Variants in ESYT3 observed in about 807,000 individuals in gnomAD.
The protein encoded by ESYT3 is extended synaptotagmin-3.
ESYT3 carries 101 observed loss-of-function variants against 111.5 expected under a neutral mutation model. That is an observed-to-expected ratio of 0.91 (90% CI 0.77 to 1.07). ESYT3 has a LOEUF of 1.07. Among genes scored for constraint, ESYT3 ranks in the 50% least tolerant of loss-of-function variants. The pLI, the probability that ESYT3 is intolerant of heterozygous loss-of-function variation, is 0.00. For synonymous variants in ESYT3, 416 were observed against 446.8 expected (o/e 0.93, Z 0.87); for missense variants, 1,097 against 1,109.4 (o/e 0.99, Z 0.16).
intron 11 of ESYT3, 105 bp downstream of exon 11, chr3:138,467,714 C>T (rs1346967364): frequency 1.9e-6 from 2 of 1,068,890 alleles, no homozygotes; most frequent in Middle Eastern, 2.8e-4. Flanking sequence ...CTGTGGTCCC[C>T]CTCTGTGCTA....
At position 138,467,683 on chromosome 3, in the gene ESYT3, T is replaced by C. The variant is rs575005592; in HGVS notation, c.1218+74T>C. 6 of 1,415,678 alleles carry C rather than the reference T, an allele frequency of 4.2e-6. No homozygotes were observed. In the Admixed American group the frequency reaches 1.1e-4, roughly 25 times the overall value. 87.7% of individuals were successfully genotyped at this position (1,415,678 alleles called of 1,614,324 possible). A position where few individuals can be genotyped will look rare whatever the true frequency, so the allele number is the denominator to read the frequency against. On this transcript the variant is annotated intron_variant, in intron 11 of 22. Coordinates refer to ENST00000389567, the MANE Select transcript of ESYT3 (RefSeq NM_031913.5). ...CCTGTGGACAGCTCCAGCAGCTTGC[T>C]TCAGCCCAGCTATTCCTATGCTGTG...
rs535692716 is a variant in ESYT3, at chr3:138,476,731, C to T, written c.2625-87C>T. On this transcript the variant is annotated intron_variant, in intron 22 of 22. Transcript: ENST00000389567. ...ACAGGTTCTGCTGGTCTTACAGAGG[C>T]CCAGGCAGGCAGGACTAGGCAGTTT... 116 of 1,364,178 alleles carry T rather than the reference C, an allele frequency of 8.5e-5. No homozygotes were observed. In the East Asian group the frequency reaches 2.6e-3, roughly 31 times the overall value. 84.5% of individuals were successfully genotyped at this position (1,364,178 alleles called of 1,614,324 possible).
chr3:138,477,194 T>C lies in ESYT3; in HGVS notation c.*340T>C, dbSNP rs1212029716. 5.1e-6 allele frequency: 1 copy of C among 196,070 alleles called. No homozygotes were observed. Among genetic ancestry groups the C allele is most frequent in the Non-Finnish European group, 1.0e-5 (1 of 96,452 alleles). 12.1% of individuals were successfully genotyped at this position (196,070 alleles called of 1,614,324 possible). ...TAGTAGGTAATTATATACCATCTGA[T>C]TTAGGACTTACCTGAATGTATGTAC... is the stretch of plus-strand genomic sequence containing the variant. On this transcript the variant is annotated 3_prime_UTR_variant, in exon 23 of 23. Coordinates refer to ENST00000389567, the MANE Select transcript of ESYT3 (RefSeq NM_031913.5).
chr3:138,450,657 A>G (rs2031862032), intron 1 of ESYT3, among the ~76,000 whole-genome samples: 1 of 152,224 alleles, frequency 6.6e-6, no homozygotes, highest in South Asian at 2.1e-4. Flanking sequence ...CAAGGCTGTT[A>G]AAAACTGTTC....
chr3:138,445,661 C>T (rs1174275183), intron 1 of ESYT3, among the ~76,000 whole-genome samples: 1 of 152,184 alleles, frequency 6.6e-6, no homozygotes, highest in African/African-American at 2.4e-5. Context: ...CTTGTTCTTG[C>T]ACGTACTTGA....
Position 138,468,196 on chromosome 3 carries a change from T to C in ESYT3, c.1308+2T>C. The C allele has an allele frequency of 6.2e-7, 1 of 1,613,450 alleles. No individual in the cohort carries two copies. ...ACTGACCAAGAAGTTCTGACTGAGG[T>C]GAGTGTGGGGTGTCAAGGGCTCCCT... On this transcript the variant is annotated splice_donor_variant, in intron 12 of 22. Coordinates refer to ENST00000389567, the MANE Select transcript of ESYT3 (RefSeq NM_031913.5). LOFTEE classifies it high-confidence loss of function.
rs1204741436 is a variant in ESYT3 at position 138,440,109 on chromosome 3, G to A, written c.327+4984G>A. Among the ~76,000 whole-genome samples, 1 of 152,196 alleles carries A rather than the reference G, an allele frequency of 6.6e-6. No homozygotes were observed. The highest frequency in any genetic ancestry group is 2.4e-5 in the African/African-American group (1 of 41,448). On this transcript the variant is annotated intron_variant, in intron 1 of 22. Transcript: ENST00000389567. The surrounding 1 kb of genome is among the most constrained non-coding windows in gnomAD (Gnocchi z 4.2). ...GCCATCATTAACCAGTCCCGAGCCT[G>A]CTTTTCTCTGGTGACACATACCCCA...
chr3:138,470,510 G>A, intron 16 of ESYT3: 1 of 1,122,692 alleles, frequency 8.9e-7, no homozygotes. Flanking sequence ...TAAGCAAAGA[G>A]AGGCAAAAAC....
rs73864584 is a variant in ESYT3 at position 138,470,602 on chromosome 3, A to C, written c.1591-275A>C. On this transcript the variant is annotated intron_variant, in intron 16 of 22. Transcript: ENST00000389567. ...CCCTGAGCCCTGCCTGGAGAGCAGC[A>C]CAGCTCATCAGTCCCCAAAGCCCCC... The C allele has an allele frequency of 0.014, 16,615 of 1,225,704 alleles. 1,765 individuals are homozygous for C. In the African/African-American group the frequency reaches 0.23, roughly 17 times the overall value. 75.9% of individuals were successfully genotyped at this position (1,225,704 alleles called of 1,614,324 possible).
intron 8 of ESYT3, 53 bp from the exon 9 acceptor site, chr3:138,464,292 G>C (rs2032807328): frequency 2.5e-6 from 4 of 1,597,118 alleles, no homozygotes; most frequent in South Asian, 1.1e-5. Flanking sequence ...GATACTCCAG[G>C]ACTTGGAGGC....
chr3:138,453,124 C>T (rs1031186278), intron 2 of ESYT3, among the ~76,000 whole-genome samples: 4 of 152,148 alleles, frequency 2.6e-5, no homozygotes, highest in African/African-American at 9.7e-5. Flanking sequence ...AAGCAGGTTG[C>T]TGCTTTAAGA....
At position 138,434,836 on chromosome 3, in the gene ESYT3, G is replaced by C. The variant is rs1283149554; in HGVS notation, c.38G>C (p.Ser13Thr). 2 of 1,554,594 alleles carry C rather than the reference G, an allele frequency of 1.3e-6. No individual in the cohort carries two copies. The highest frequency in any genetic ancestry group is 1.7e-6 in the Non-Finnish European group (2 of 1,150,178). ...GAGCCCTGCGCCCCCGGGGCCCCCA[G>C]CGCCCTGGGAGCCCAGCGCACGCCG... ...AEEPCAPGAP[S>T]ALGAQRTPGP... Residue 13 changes from serine (S) to threonine (T), a missense_variant, in exon 1 of 23, where the codon AGC (serine) becomes ACC (threonine). By Grantham distance (58) the Ser-to-Thr change is moderately conservative (BLOSUM62 1). Transcript: ENST00000389567.
In ESYT3 at chr3:138,460,014, G is replaced by C; in HGVS notation, c.718G>C (p.Val240Leu). 6.2e-7 allele frequency: 1 copy of C among 1,614,154 alleles called. No individual in the cohort carries two copies. The highest frequency in any genetic ancestry group is 8.5e-7 in the Non-Finnish European group (1 of 1,180,002). The change falls in exon 6 of 23, where the codon GTG (valine) becomes CTG (leucine). Residue 240 changes from valine to leucine, a missense_variant. Val to Leu is a conservative substitution (Grantham distance 32, BLOSUM62 1). Transcript: ENST00000389567. ...CAAGCCCTTTGTGGGAGCCGTGACT[G>C]TGTTCTTCCTTCAGAAGCCGGTGAG... ...VDKPFVGAVT[V>L]FFLQKPHLQI...
chr3:138,454,924 A>G (rs1454071896), intron 2 of ESYT3, among the ~76,000 whole-genome samples: 1 of 152,238 alleles, frequency 6.6e-6, no homozygotes, highest in African/African-American at 2.4e-5. Context: ...GTGAATGAGT[A>G]TTTCTTGGTG....
At chr3:138,443,490 AG>A (rs1390307428) in intron 1 of ESYT3, among the ~76,000 whole-genome samples, 1 of 152,230 alleles carries the variant, frequency 6.6e-6, no homozygotes, top group African/African-American at 2.4e-5. Flanking sequence ...GACAGGAGCC[AG>A]CCTGAAGTCC....
In ESYT3 at chr3:138,468,169, T is replaced by C. The variant is rs2108624156; in HGVS notation, c.1283T>C (p.Leu428Pro). 4.3e-6 allele frequency: 7 copies of C among 1,614,090 alleles called. No individual in the cohort carries two copies. Among genetic ancestry groups the C allele is most frequent in the Non-Finnish European group, 5.9e-6 (7 of 1,180,014 alleles). ...CTGCGGCTGGAGTGGCTTTCATTGC[T>C]TACTGACCAAGAAGTTCTGACTGAG... ...LHLRLEWLSL[L>P]TDQEVLTEDH... The change falls in exon 12 of 23, where the codon CTT (leucine) becomes CCT (proline). Residue 428 changes from leucine (L) to proline (P), a missense_variant. Physicochemically the swap from Leu to Pro is moderately conservative, Grantham distance 98. Transcript: ENST00000389567.
In ESYT3 at chr3:138,473,532, A is replaced by G; in HGVS notation, c.2238-4A>G. ...GAGAGAAGTGATGGGCTCTTTCTTT[A>G]CAGAGGTGGGGACCTCAGGCGACGG... On this transcript the variant is annotated splice_polypyrimidine_tract_variant and splice_region_variant and intron_variant, in intron 18 of 22. Transcript: ENST00000389567. 1.2e-6 allele frequency: 2 copies of G among 1,612,516 alleles called. No homozygotes were observed.
At chr3:138,467,957 C>A in intron 11 of ESYT3, 148 bp from the exon 12 acceptor site, 1 of 660,456 alleles carries the variant, frequency 1.5e-6, no homozygotes, top group Admixed American at 2.5e-5. Context: ...CCAGAGCATA[C>A]CCTGTCTGGG....
intron 11 of ESYT3, 101 bp downstream of exon 11, chr3:138,467,710 T>C: frequency 9.1e-7 from 1 of 1,099,938 alleles, no homozygotes; most frequent in South Asian, 1.4e-5. Context: ...TATGCTGTGG[T>C]CCCCCTCTGT....
Sources: allele counts gnomAD v4.1 joint callset (sites outside exome capture counted in the v4.1 genomes callset), GRCh38; gene constraint gnomAD v4.1.1; non-coding constraint Gnocchi (gnomAD v3.1); transcripts MANE v1.5; gene names NCBI Gene and HGNC (gene_info 2026-07-23, HGNC 2026-07-21).